Variants in CPB1 observed in about 807,000 individuals in gnomAD.
The protein encoded by CPB1 is carboxypeptidase B1.
A neutral mutation model predicts 51.4 loss-of-function variants in CPB1; 53 were observed. The ratio of observed to expected loss-of-function variants is 1.03; its 90% confidence interval spans 0.83 to 1.30. CPB1 has a LOEUF of 1.30. CPB1 is among the 50% of genes most tolerant of loss of function. The pLI is 0.00. For missense variants in CPB1, 494 were observed against 516.2 expected, an observed-to-expected ratio of 0.96 and a Z score of 0.42; for synonymous variants, 189 against 186.9, an observed-to-expected ratio of 1.01 and a Z score of -0.09.
chr3:148,850,767 C>T (rs755597592), intron 9 of CPB1, among the ~76,000 whole-genome samples: 39 of 152,188 alleles, frequency 2.6e-4, no homozygotes, highest in Non-Finnish European at 5.0e-4. Context: ...TCACTCATCA[C>T]AGCTGTACCA....
In CPB1 at chr3:148,844,534, C is replaced by A. The variant is rs764338741; in HGVS notation, c.633C>A (p.Asp211Glu). 1.3e-5 allele frequency: 21 copies of A among 1,613,836 alleles called. No homozygotes were observed. The East Asian group carries it at 3.1e-4, about 24-fold the overall frequency. ...IQVTELLDKLDFYVLPVLNID... is the reference protein window; with the variant it reads ...IQVTELLDKLEFYVLPVLNID... ...TGACAGAGCTTCTCGACAAGTTAGA[C>A]TTTTATGTCCTGCCTGTGCTCAATA... Residue 211 changes from aspartate to glutamate, a missense_variant, in exon 7 of 11, where the codon GAC (aspartate) becomes GAA (glutamate). By Grantham distance (45) the Asp-to-Glu change is conservative (BLOSUM62 2). Coordinates refer to ENST00000282957, the MANE Select transcript of CPB1 (RefSeq NM_001871.3).
chr3:148,834,289 A>G (rs751691245), intron 2 of CPB1, among the ~76,000 whole-genome samples: 5 of 152,244 alleles, frequency 3.3e-5, no homozygotes, highest in Non-Finnish European at 7.3e-5. Flanking sequence ...TTGATAATCA[A>G]TCAAGGTTAT....
chr3:148,859,755 A>AT (rs1713694732), intron 10 of CPB1, 60 bp from the exon 11 acceptor site: 1 of 1,503,286 alleles, frequency 6.7e-7, no homozygotes, highest in Non-Finnish European at 8.9e-7. Flanking sequence ...GAAACTGGCA[A>AT]TTTTTTAAAG....
chr3:148,842,808 C>T (rs1713123270), intron 6 of CPB1, among the ~76,000 whole-genome samples: 1 of 152,138 alleles, frequency 6.6e-6, no homozygotes, highest in Non-Finnish European at 1.5e-5. Flanking sequence ...ACTACCTTAA[C>T]TAAGTGATCA....
intron 9 of CPB1, among the ~76,000 whole-genome samples, chr3:148,846,663 G>A (rs952428352): frequency 6.7e-6 from 1 of 148,718 alleles, no homozygotes. Flanking sequence ...GCTAATAGTT[G>A]GATGGGCCCT....
intron 8 of CPB1, 72 bp downstream of exon 8, chr3:148,844,839 G>C: frequency 7.8e-7 from 1 of 1,289,704 alleles, no homozygotes; most frequent in Non-Finnish European, 1.1e-6. Context: ...AAACACAACA[G>C]TATCTAAAAT....
chr3:148,830,337 T>C (rs765870357), intron 2 of CPB1, among the ~76,000 whole-genome samples: 2 of 152,208 alleles, frequency 1.3e-5, no homozygotes, highest in South Asian at 2.1e-4. Context: ...CAGCATTTCA[T>C]AGTGGTCAAG....
rs1316817763 is a variant in CPB1, at chr3:148,840,667, C to T, written c.273-19C>T. 1.9e-6 allele frequency: 3 copies of T among 1,609,728 alleles called. No homozygotes were observed. Among genetic ancestry groups the T allele is most frequent in the Non-Finnish European group, 2.6e-6 (3 of 1,176,066 alleles). ...AATACACTTATGTTCATAGGAACAC[C>T]CACTTTGGTTCGTTGCAGGGTACTG... On this transcript the variant is annotated intron_variant, in intron 3 of 10. Transcript: ENST00000282957.
Position 148,845,518 on chromosome 3 carries a change from C to T in CPB1, c.873C>T (p.Arg291=), listed in dbSNP as rs1433600961. 2 of 1,613,954 alleles carry T rather than the reference C, an allele frequency of 1.2e-6. No homozygotes were observed. Among genetic ancestry groups the T allele is most frequent in the East Asian group, 2.2e-5 (1 of 44,880 alleles). Residue 291 remains arginine (R), a synonymous_variant, in exon 9 of 11, where the codon CGC becomes CGT. Transcript: ENST00000282957. ...KETKALADFI[R]NKLSSIKAYL... ...CCAAGGCCCTGGCTGATTTCATCCG[C>T]AACAAACTCTCTTCCATCAAGGCAT...
At chr3:148,837,900 G>A (rs971582306) in intron 3 of CPB1, among the ~76,000 whole-genome samples, 3 of 152,054 alleles carry the variant, frequency 2.0e-5, no homozygotes, top group African/African-American at 7.2e-5. Context: ...CTAACAGAAT[G>A]TCTCTTAGTA....
chr3:148,852,016 T>A (rs1023323855), intron 9 of CPB1: 2 of 152,124 alleles, frequency 1.3e-5, no homozygotes, highest in South Asian at 4.2e-4. Context: ...TACTGAAAAA[T>A]TATTGTTCCT....
chr3:148,857,224 A>G, intron 9 of CPB1: 1 of 373,634 alleles, frequency 2.7e-6, no homozygotes, highest in Non-Finnish European at 4.9e-6. Context: ...CAAGATAAAT[A>G]GAGGCTCAGA....
At chr3:148,832,635 C>T (rs961310029) in intron 2 of CPB1, among the ~76,000 whole-genome samples, 1 of 152,222 alleles carries the variant, frequency 6.6e-6, no homozygotes, top group African/African-American at 2.4e-5. Flanking sequence ...AAACAACACA[C>T]TTCAGAATTA....
intron 3 of CPB1, 27 bp from the exon 4 acceptor site, chr3:148,840,659 A>G (rs1436212360): frequency 6.2e-7 from 1 of 1,603,132 alleles, no homozygotes; most frequent in Non-Finnish European, 8.5e-7. Context: ...TTATGTTCAT[A>G]GGAACACCCA....
At chr3:148,832,860 G>A (rs1453714136) in intron 2 of CPB1, among the ~76,000 whole-genome samples, 1 of 152,148 alleles carries the variant, frequency 6.6e-6, no homozygotes, top group Non-Finnish European at 1.5e-5. Flanking sequence ...CAGCAATTAT[G>A]TGCCAGCGGG....
chr3:148,853,157 T>A (rs1225146479), intron 9 of CPB1, among the ~76,000 whole-genome samples: 4 of 152,322 alleles, frequency 2.6e-5, no homozygotes, highest in Middle Eastern at 3.4e-3. Flanking sequence ...AACTTTCAGT[T>A]AGAAACAAAG....
Position 148,857,472 on chromosome 3 carries a change from G to A in CPB1, c.997G>A (p.Ala333Thr), listed in dbSNP as rs1448393784. 1 of 1,613,874 alleles carries A rather than the reference G, an allele frequency of 6.2e-7. No individual in the cohort carries two copies. The highest frequency in any genetic ancestry group is 2.2e-5 in the East Asian group (1 of 44,868). ...TCTTTTGCAGAATGCCCTGGCTAAA[G>A]CTACTGTGAAAGAACTTGCCTCACT... The part of the protein sequence containing the change: ...NNAELNALAK[A>T]TVKELASLHG... The change falls in exon 10 of 11, where the codon GCT (alanine) becomes ACT (threonine). Residue 333 changes from alanine (A) to threonine (T), a missense_variant. Coordinates refer to ENST00000282957, the MANE Select transcript of CPB1 (RefSeq NM_001871.3).
In CPB1 at chr3:148,841,851, C is replaced by A. The variant is rs779979694; in HGVS notation, c.503C>A (p.Ala168Asp). ...KVGKAGQNKPAIFMDCGFHAR... is the reference protein window; with the variant it reads ...KVGKAGQNKPDIFMDCGFHAR... The stretch of plus-strand genomic sequence containing the variant: ...GGCAAAGCTGGACAAAATAAGCCTG[C>A]CATTTTCATGGACTGTGGTTTCCAT... Residue 168 changes from alanine (A) to aspartate (D), a missense_variant, in exon 6 of 11, where the codon GCC becomes GAC. By Grantham distance (126) the Ala-to-Asp change is moderately radical (BLOSUM62 -2). Coordinates refer to ENST00000282957, the MANE Select transcript of CPB1 (RefSeq NM_001871.3). 1.2e-6 allele frequency: 2 copies of A among 1,613,884 alleles called. No individual in the cohort carries two copies. The highest frequency in any genetic ancestry group is 1.7e-6 in the Non-Finnish European group (2 of 1,179,830).
intron 3 of CPB1, among the ~76,000 whole-genome samples, chr3:148,839,123 G>A (rs1712998569): frequency 6.6e-6 from 1 of 152,194 alleles, no homozygotes; most frequent in South Asian, 2.1e-4. Context: ...CTGTAATCAT[G>A]AGTCTTTAAA....
Sources: gnomAD v4.1 joint callset for allele counts (sites outside exome capture counted in the v4.1 genomes callset) on GRCh38, gnomAD v4.1.1 for gene constraint, MANE v1.5 for transcripts, NCBI Gene and HGNC (gene_info 2026-07-23, HGNC 2026-07-21) for gene names.